The following NOL10 variants were observed in gnomAD, a reference collection of about 807,000 sequenced individuals.
NOL10 encodes the protein H_NH0074G24.1.
A neutral mutation model predicts 103.5 loss-of-function variants in NOL10; 58 were observed. That is an observed-to-expected ratio of 0.56 (90% CI 0.45 to 0.70). The LOEUF (loss-of-function observed/expected upper bound fraction) is 0.70. Among genes scored for constraint, NOL10 ranks in the 30% least tolerant of loss-of-function variants. NOL10 has a pLI of 0.00. For synonymous variants in NOL10, 287 were observed against 282.5 expected, an observed-to-expected ratio of 1.02 and a Z score of -0.16; for missense variants, 763 against 807.3, an observed-to-expected ratio of 0.95 and a Z score of 0.67.
chr2:10,638,873 G>A (rs1243077150), intron 13 of NOL10, among the ~76,000 whole-genome samples: 1 of 141,158 alleles, frequency 7.1e-6, no homozygotes, highest in Admixed American at 7.5e-5. Flanking sequence ...TGTGGTCTCG[G>A]CTCACTGCAC....
At chr2:10,614,695 G>T (rs1307960481) in intron 13 of NOL10, among the ~76,000 whole-genome samples, 1 of 152,086 alleles carries the variant, frequency 6.6e-6, no homozygotes, top group Non-Finnish European at 1.5e-5. Context: ...AACTTTCAAG[G>T]CTTTTTAAAT....
intron 1 of NOL10, among the ~76,000 whole-genome samples, chr2:10,685,433 C>T (rs1682091884): frequency 2.3e-5 from 3 of 128,218 alleles, no homozygotes; most frequent in South Asian, 5.0e-4. Context: ...GCGGAGGTTG[C>T]AGGGAGCTGA....
chr2:10,683,703 G>T (rs993615971), intron 2 of NOL10, among the ~76,000 whole-genome samples: 4 of 152,212 alleles, frequency 2.6e-5, no homozygotes, highest in South Asian at 2.1e-4. Context: ...GACTTCCCAA[G>T]CTGTGTTGCT....
chr2:10,674,042 G>A (rs1681125539), intron 4 of NOL10, among the ~76,000 whole-genome samples: 1 of 144,802 alleles, frequency 6.9e-6, no homozygotes, highest in Admixed American at 7.1e-5. Context: ...ATCACTATGG[G>A]AAAGAAAAAA....
At chr2:10,671,807 C>T in intron 5 of NOL10, 117 bp from the exon 6 acceptor site, 1 of 687,804 alleles carries the variant, frequency 1.5e-6, no homozygotes, top group South Asian at 2.0e-5. Context: ...CTTTCTGTAT[C>T]TAAACACACA....
rs148418267 is a variant in NOL10 at position 10,608,959 on chromosome 2, C to T, written c.1027-1648G>A. On this transcript the variant is annotated intron_variant, in intron 13 of 20. Coordinates refer to ENST00000381685, the MANE Select transcript of NOL10 (RefSeq NM_024894.4). ...GTGGTTTGACTCCAACCATAAAAGA[C>T]AAACCTTCAAGAAATGCAAGGCATT... Among the ~76,000 whole-genome samples, 7 of 152,152 alleles carry T rather than the reference C, an allele frequency of 4.6e-5. No homozygotes were observed. The East Asian group carries it at 1.2e-3, about 25-fold the overall frequency.
rs1192834154 is a variant in NOL10, at chr2:10,684,187, A to AATC, written c.112+379_112+380insGAT. Among the ~76,000 whole-genome samples, 10 of 152,096 alleles carry AATC rather than the reference A, an allele frequency of 6.6e-5. 1 individual carries two copies. In the South Asian group the frequency reaches 1.0e-3, roughly 16 times the overall value. On this transcript the variant is annotated intron_variant, in intron 2 of 20. Transcript: ENST00000381685. The stretch of plus-strand genomic sequence containing the variant: ...GCTACTCAGGAGGCTGAGGCAGGAG[A>AATC]ACTGCTTGAATCCAGGAGGTGGAGG...
At chr2:10,602,587 A>G (rs1676035309) in intron 16 of NOL10, among the ~76,000 whole-genome samples, 189 bp downstream of exon 16, 1 of 152,198 alleles carries the variant, frequency 6.6e-6, no homozygotes, top group Admixed American at 6.5e-5. Context: ...CGAAAATTGT[A>G]AAGAGTTTTG....
At chr2:10,634,864 T>C (rs961071896) in intron 13 of NOL10, among the ~76,000 whole-genome samples, 3 of 152,194 alleles carry the variant, frequency 2.0e-5, no homozygotes, top group African/African-American at 4.8e-5. Context: ...TGGTCAACTG[T>C]GTTTCTAAAT....
intron 17 of NOL10, 137 bp from the exon 18 acceptor site, chr2:10,589,888 T>C (rs1436787348): frequency 2.0e-6 from 1 of 509,188 alleles, no homozygotes; most frequent in Non-Finnish European, 3.2e-6. Flanking sequence ...CATTATGAAA[T>C]TTCTTCCAGG....
At chr2:10,616,164 G>A (rs1306059328) in intron 13 of NOL10, among the ~76,000 whole-genome samples, 2 of 150,938 alleles carry the variant, frequency 1.3e-5, no homozygotes, top group Non-Finnish European at 3.0e-5. Context: ...TCTGGGTAGA[G>A]TCATTAGCTG....
At chr2:10,578,573 G>C (rs10198971) in intron 19 of NOL10, among the ~76,000 whole-genome samples, 52,238 of 151,930 alleles carry the variant, frequency 0.34, 9,401 homozygotes, top group Non-Finnish European at 0.4. Flanking sequence ...ACTGTCATCT[G>C]TGTAATTAAC....
intron 17 of NOL10, among the ~76,000 whole-genome samples, chr2:10,592,027 C>CAAA (rs1675419262): frequency 1.1e-4 from 7 of 64,984 alleles, no homozygotes; most frequent in African/African-American, 3.5e-4. Context: ...AACAAACAAA[C>CAAA]CAACCCAAAA....
intron 11 of NOL10, among the ~76,000 whole-genome samples, 196 bp from the exon 12 acceptor site, chr2:10,654,743 T>G (rs1305943620): frequency 6.6e-6 from 1 of 152,002 alleles, no homozygotes; most frequent in Non-Finnish European, 1.5e-5. Context: ...ATTTTATAGA[T>G]GAAGAAACAG....
At chr2:10,616,815 C>G (rs1460071669) in intron 13 of NOL10, among the ~76,000 whole-genome samples, 2 of 152,194 alleles carry the variant, frequency 1.3e-5, no homozygotes. Context: ...TCCCAAAGTG[C>G]TGGGATTACA....
chr2:10,689,432 T>C (rs1266610001), intron 1 of NOL10, among the ~76,000 whole-genome samples: 2 of 152,104 alleles, frequency 1.3e-5, no homozygotes, highest in Non-Finnish European at 2.9e-5. Context: ...GATGGCCATA[T>C]GGGGGAGAGA....
At chr2:10,587,098 C>CATACACATATAT (rs1450691017) in intron 19 of NOL10, among the ~76,000 whole-genome samples, 3 of 44,102 alleles carry the variant, frequency 6.8e-5, no homozygotes, top group African/African-American at 4.6e-4. Flanking sequence ...CATATATATA[C>CATACACATATAT]ACATATATAT....
chr2:10,604,123 GA>G (rs1251963432), intron 14 of NOL10, among the ~76,000 whole-genome samples: 1 of 152,200 alleles, frequency 6.6e-6, no homozygotes. Context: ...GCTCCTATAA[GA>G]ATCAAATGCC....
chr2:10,643,055 G>T (rs1678822628), intron 13 of NOL10, among the ~76,000 whole-genome samples: 1 of 152,204 alleles, frequency 6.6e-6, no homozygotes, highest in African/African-American at 2.4e-5. Context: ...AGGAAAGATG[G>T]ATAAGTTGAC....
Sources: gnomAD v4.1 joint callset for allele counts (sites outside exome capture counted in the v4.1 genomes callset) on GRCh38, gnomAD v4.1.1 for gene constraint, MANE v1.5 for transcripts, NCBI Gene and HGNC (gene_info 2026-07-23, HGNC 2026-07-21) for gene names.